Variants in SETBP1 observed in about 807,000 individuals in gnomAD.
The protein encoded by SETBP1 is SET binding protein 1.
SETBP1 carries 9 observed loss-of-function variants against 101.0 expected under a neutral mutation model. The ratio of observed to expected loss-of-function variants is 0.09; its 90% CI spans 0.05 to 0.16. The LOEUF (loss-of-function observed/expected upper bound fraction) is 0.16, where lower values mean the gene tolerates loss of function less well. Ranked by LOEUF, SETBP1 falls within the 10% of genes least tolerant of loss-of-function variation. The pLI, the probability that SETBP1 is intolerant of heterozygous loss-of-function variation, is 1.00. For missense variants in SETBP1, 1,858 were observed against 2,033.8 expected, an observed-to-expected ratio of 0.91 and a Z score of 1.66; for synonymous variants, 818 against 788.5, an observed-to-expected ratio of 1.04 and a Z score of -0.63.
Position 45,067,115 on chromosome 18 carries a change from A to G in SETBP1, c.*3417A>G, listed in dbSNP as rs929561306. On this transcript the variant is annotated 3_prime_UTR_variant, in exon 6 of 6. Transcript: ENST00000649279. ...CACTGACAGCCCAGAGAAGGTGACT[A>G]AGGGCTGGCAGAAGATTAGAATGTT... is the stretch of plus-strand genomic sequence containing the variant. 3.3e-5 allele frequency: 5 copies of G among 152,220 alleles called. No homozygotes were observed. Among genetic ancestry groups the G allele is most frequent in the African/African-American group, 1.2e-4 (5 of 41,462 alleles). 9.4% of individuals were successfully genotyped at this position (152,220 alleles called of 1,614,324 possible).
At chr18:44,738,773 C>CAA (rs34390519) in intron 2 of SETBP1, among the ~76,000 whole-genome samples, 112 of 79,566 alleles carry the variant, frequency 1.4e-3, no homozygotes, top group Admixed American at 3.0e-3. Flanking sequence ...GACTCCATCT[C>CAA]AAAAAAAAAA....
intron 2 of SETBP1, among the ~76,000 whole-genome samples, chr18:44,779,305 T>A (rs1311219793): frequency 6.6e-6 from 1 of 152,236 alleles, no homozygotes; most frequent in Non-Finnish European, 1.5e-5. Context: ...ATTGGAAGGC[T>A]GAGGACCATG....
chr18:44,762,720 T>C (rs1208577668), intron 2 of SETBP1, among the ~76,000 whole-genome samples: 1 of 152,194 alleles, frequency 6.6e-6, no homozygotes, highest in East Asian at 1.9e-4. Context: ...TCCTTCAAAG[T>C]ATATTTAACA....
intron 5 of SETBP1, among the ~76,000 whole-genome samples, chr18:45,060,579 T>C (rs2145583966): frequency 6.6e-6 from 1 of 152,336 alleles, no homozygotes; most frequent in Middle Eastern, 3.4e-3. Context: ...TAAATGTGAA[T>C]GGTGGGCACA....
intron 2 of SETBP1, among the ~76,000 whole-genome samples, chr18:44,847,826 A>G (rs571358614): frequency 2.0e-5 from 3 of 152,254 alleles, no homozygotes; most frequent in African/African-American, 7.2e-5. Context: ...GAGGAGAGGA[A>G]CACAAGCTGA....
In SETBP1 at chr18:44,699,786, C is replaced by T. The variant is rs76561586; in HGVS notation, c.-172-1389C>T. Among the ~76,000 whole-genome samples, 146 of 152,324 alleles carry T rather than the reference C, an allele frequency of 9.6e-4. 2 individuals carry two copies. The East Asian group carries it at 0.025, about 26-fold the overall frequency. Reference sequence around the variant, plus strand: ...TGGGGAGCAGGGTCCGTGTTGGAGCCGGGGCTGCCTTCCTGGCTGGCTTCC... The same window carrying T: ...TGGGGAGCAGGGTCCGTGTTGGAGCTGGGGCTGCCTTCCTGGCTGGCTTCC... On this transcript the variant is annotated intron_variant, in intron 1 of 5. Transcript: ENST00000649279.
At chr18:44,919,347 C>CT (rs537734514) in intron 3 of SETBP1, among the ~76,000 whole-genome samples, 29,834 of 138,726 alleles carry the variant, frequency 0.22, 3,617 homozygotes, top group East Asian at 0.45. Context: ...ATCCCCCCAT[C>CT]TTTTTTTTTT....
At position 44,950,437 on chromosome 18, in the gene SETBP1, A is replaced by G; in HGVS notation, c.1097A>G (p.Glu366Gly). ...GCCCAGAAAGCATTTGACAATACAG[A>G]AGGGAAAAGGGAAGGTTATTCCGCA... The part of the protein sequence containing the change: ...KNAQKAFDNT[E>G]GKREGYSADS... Residue 366 changes from glutamate (E) to glycine (G), a missense_variant, in exon 4 of 6, where the codon GAA becomes GGA. Physicochemically the swap from Glu to Gly is moderately conservative, Grantham distance 98. Around this residue, in one of 12 missense-constraint regions of SETBP1, gnomAD observed 581 missense variants for 535.1 expected, o/e 1.09. Transcript: ENST00000649279. 1.2e-6 allele frequency: 2 copies of G among 1,614,170 alleles called. No individual in the cohort carries two copies. The highest frequency in any genetic ancestry group is 1.7e-6 in the Non-Finnish European group (2 of 1,180,048).
chr18:44,950,321 A>T lies in SETBP1; in HGVS notation c.981A>T (p.Glu327Asp). ...QDGGGTKEPP[E>D]PPTVGSKKKS... ...GAGGAGGTACAAAGGAGCCCCCAGA[A>T]CCACCTACGGTGGGCAGCAAGAAAA... Residue 327 changes from glutamate to aspartate, a missense_variant, in exon 4 of 6, where the codon GAA (glutamate) becomes GAT (aspartate). This residue lies in a region of SETBP1 where 581 missense variants were observed against 535.1 expected (regional missense o/e 1.09). Transcript: ENST00000649279. 1 of 1,614,038 alleles carries T rather than the reference A, an allele frequency of 6.2e-7. No individual in the cohort carries two copies. The highest frequency in any genetic ancestry group is 8.5e-7 in the Non-Finnish European group (1 of 1,180,032).
At chr18:44,711,826 C>A (rs936624346) in intron 2 of SETBP1, among the ~76,000 whole-genome samples, 1 of 151,870 alleles carries the variant, frequency 6.6e-6, no homozygotes. Context: ...AGGCCACCGG[C>A]CTGGGCTGAC....
chr18:44,760,013 C>T (rs1026665624), intron 2 of SETBP1, among the ~76,000 whole-genome samples: 8 of 152,142 alleles, frequency 5.3e-5, no homozygotes, highest in African/African-American at 1.9e-4. Context: ...TTGTGGAGAA[C>T]CTGGGCTCCT....
intron 3 of SETBP1, among the ~76,000 whole-genome samples, chr18:44,895,688 T>G (rs1037489915): frequency 6.6e-6 from 1 of 152,148 alleles, no homozygotes; most frequent in Admixed American, 6.5e-5. Context: ...CATAAGTTAC[T>G]ATCTTTTCTT....
chr18:44,995,135 C>CTTT (rs58617770), intron 4 of SETBP1, among the ~76,000 whole-genome samples: 159 of 95,008 alleles, frequency 1.7e-3, no homozygotes, highest in Middle Eastern at 8.6e-3. Context: ...ATGTTATTTA[C>CTTT]TTTTTTTTTT....
intron 2 of SETBP1, among the ~76,000 whole-genome samples, chr18:44,745,394 G>A (rs186184256): frequency 3.9e-5 from 6 of 152,216 alleles, no homozygotes; most frequent in South Asian, 2.1e-4. Context: ...GACCAAGATC[G>A]CAGCCTCAGT....
chr18:44,769,355 T>C (rs976435723), intron 2 of SETBP1, among the ~76,000 whole-genome samples: 1 of 152,232 alleles, frequency 6.6e-6, no homozygotes, highest in African/African-American at 2.4e-5. Flanking sequence ...GCAAGTCCCT[T>C]GGGAGCAAAA....
chr18:44,794,747 A>G (rs2071439072), intron 2 of SETBP1, among the ~76,000 whole-genome samples: 1 of 152,176 alleles, frequency 6.6e-6, no homozygotes, highest in Non-Finnish European at 1.5e-5. Context: ...CTACCTTCAC[A>G]TACCACTGCA....
chr18:45,006,583 A>G (rs2072732297), intron 4 of SETBP1, among the ~76,000 whole-genome samples: 1 of 152,116 alleles, frequency 6.6e-6, no homozygotes, highest in African/African-American at 2.4e-5. Context: ...TGGCTTATGT[A>G]TGCATCGCCC....
chr18:44,791,732 A>AGAGAGAGAGC (rs1402322662), intron 2 of SETBP1, among the ~76,000 whole-genome samples: 2 of 152,106 alleles, frequency 1.3e-5, no homozygotes, highest in Middle Eastern at 3.2e-3. Flanking sequence ...AGAGAGAGAG[A>AGAGAGAGAGC]GAGAGAGAGC....
At chr18:44,703,315 G>A (rs1018450629) in intron 2 of SETBP1, among the ~76,000 whole-genome samples, 7 of 128,520 alleles carry the variant, frequency 5.4e-5, no homozygotes, top group African/African-American at 8.7e-5. Flanking sequence ...TTTATAGCCC[G>A]AAGATATTCC....
Sources: gnomAD v4.1 joint callset for allele counts (sites outside exome capture counted in the v4.1 genomes callset) on GRCh38, gnomAD v4.1.1 for gene constraint, gnomAD v4.1.1 regional missense constraint, MANE v1.5 for transcripts, NCBI Gene and HGNC (gene_info 2026-07-23, HGNC 2026-07-21) for gene names.